QTMAN: variants seen among roughly 807,000 people sequenced by gnomAD.
The protein encoded by QTMAN is queuosine-tRNA mannosyltransferase.
the QTMAN span, among the ~76,000 whole-genome samples, chr2:144,287,862 T>G: frequency 0.027 from 4,065 of 152,258 alleles, 172 homozygotes; most frequent in African/African-American, 0.093. Context: ...TTATTTTTAT[T>G]TATTTATCTT....
chr2:144,100,859 C>CTTTTTTT, the QTMAN span, among the ~76,000 whole-genome samples: 140 of 77,918 alleles, frequency 1.8e-3, 1 homozygote, highest in Non-Finnish European at 2.0e-3. Context: ...GTCTTTCTTT[C>CTTTTTTT]TTTTTTTTTT....
the QTMAN span, among the ~76,000 whole-genome samples, chr2:144,116,975 T>C: frequency 6.6e-6 from 1 of 152,170 alleles, no homozygotes; most frequent in African/African-American, 2.4e-5. Context: ...CAGCACACTC[T>C]AGAATAGTTT....
At chr2:144,004,778 G>A in the QTMAN span, among the ~76,000 whole-genome samples, 1 of 151,936 alleles carries the variant, frequency 6.6e-6, no homozygotes, top group Non-Finnish European at 1.5e-5. Context: ...AGTACTCCAT[G>A]CAGGACCCAA....
chr2:144,039,845 T>C, the QTMAN span, among the ~76,000 whole-genome samples: 1 of 152,212 alleles, frequency 6.6e-6, no homozygotes, highest in African/African-American at 2.4e-5. Flanking sequence ...TGACACTGTT[T>C]CTTTTTAAAG....
the QTMAN span, among the ~76,000 whole-genome samples, chr2:144,218,345 T>C: frequency 2.0e-5 from 3 of 152,312 alleles, no homozygotes; most frequent in East Asian, 5.8e-4. Context: ...GCAAAGCATC[T>C]TCCCCAACCT....
the QTMAN span, among the ~76,000 whole-genome samples, chr2:143,996,035 C>A: frequency 6.6e-6 from 1 of 152,206 alleles, no homozygotes; most frequent in South Asian, 2.1e-4. Context: ...GTCAAACCAC[C>A]ACTATATTGT....
chr2:144,026,729 T>C, the QTMAN span, among the ~76,000 whole-genome samples: 93 of 152,282 alleles, frequency 6.1e-4, no homozygotes, highest in African/African-American at 2.1e-3. Flanking sequence ...CTGACATTAC[T>C]GGGTTGTGGG....
the QTMAN span, among the ~76,000 whole-genome samples, chr2:143,959,914 G>A: frequency 2.0e-5 from 3 of 152,046 alleles, no homozygotes; most frequent in Admixed American, 6.6e-5. Context: ...ATATTATGGT[G>A]TTTTTTACAA....
the QTMAN span, among the ~76,000 whole-genome samples, chr2:144,318,277 A>G: frequency 5.9e-5 from 9 of 152,036 alleles, no homozygotes; most frequent in South Asian, 1.9e-3. Flanking sequence ...AAAATGGCAA[A>G]GCTTTCCAAA....
At chr2:144,130,013 C>A in the QTMAN span, among the ~76,000 whole-genome samples, 42 of 147,638 alleles carry the variant, frequency 2.8e-4, no homozygotes, top group African/African-American at 1.0e-3. Flanking sequence ...TGAAAAATAA[C>A]ATAGTAGGAA....
chr2:144,083,098 G>C, the QTMAN span, among the ~76,000 whole-genome samples: 1 of 151,050 alleles, frequency 6.6e-6, no homozygotes, highest in Admixed American at 6.6e-5. Flanking sequence ...CTTAGGCTTG[G>C]ATCTACACAC....
At chr2:143,998,054 C>T in the QTMAN span, among the ~76,000 whole-genome samples, 1 of 152,136 alleles carries the variant, frequency 6.6e-6, no homozygotes, top group Non-Finnish European at 1.5e-5. Context: ...TCAGCTATAT[C>T]AGTATTCTTC....
chr2:144,033,795 A>G, the QTMAN span, among the ~76,000 whole-genome samples: 1 of 152,222 alleles, frequency 6.6e-6, no homozygotes. Context: ...AAAGAGACTT[A>G]CTATGAACAA....
chr2:144,258,724 G>A, the QTMAN span, among the ~76,000 whole-genome samples: 2 of 151,878 alleles, frequency 1.3e-5, no homozygotes, highest in African/African-American at 4.8e-5. Context: ...CCAAAAGGGA[G>A]AACTATCAAA....
At chr2:144,084,699 A>G in the QTMAN span, among the ~76,000 whole-genome samples, 2 of 152,196 alleles carry the variant, frequency 1.3e-5, no homozygotes, top group Non-Finnish European at 2.9e-5. Flanking sequence ...ACAGTAACAT[A>G]TTGTCTTACA....
the QTMAN span, among the ~76,000 whole-genome samples, chr2:144,213,647 CAT>C: frequency 3.9e-5 from 6 of 152,158 alleles, no homozygotes; most frequent in Admixed American, 3.9e-4. Flanking sequence ...ATCCCACACA[CAT>C]GAGAAATTGA....
the QTMAN span, among the ~76,000 whole-genome samples, chr2:144,175,041 C>A: frequency 6.6e-5 from 10 of 152,144 alleles, no homozygotes; most frequent in East Asian, 1.9e-3. Context: ...ATTTTGGAGA[C>A]AGAGTAGACT....
At chr2:144,331,140 T>C in the QTMAN span, among the ~76,000 whole-genome samples, 1 of 152,168 alleles carries the variant, frequency 6.6e-6, no homozygotes, top group African/African-American at 2.4e-5. Flanking sequence ...TTTCATTAAA[T>C]ACAGTACAGG....
the QTMAN span, among the ~76,000 whole-genome samples, chr2:144,133,421 T>TATATATAATATATAATATATA: frequency 4.2e-4 from 23 of 54,820 alleles, no homozygotes; most frequent in African/African-American, 2.2e-3. Flanking sequence ...TTATATATAA[T>TATATATAATATATAATATATA]ATATATAATA....
Sources: allele counts gnomAD v4.1 joint callset (sites outside exome capture counted in the v4.1 genomes callset), GRCh38; gene constraint gnomAD v4.1.1; transcripts MANE v1.5; gene names NCBI Gene and HGNC (gene_info 2026-07-23, HGNC 2026-07-21).